RIMBP2: variants seen among roughly 807,000 people sequenced by gnomAD.
The protein encoded by RIMBP2 is RIMS-binding protein 2.
Under a neutral mutation model 118.6 loss-of-function variants are expected in RIMBP2, and 48 were observed. The ratio of observed to expected loss-of-function variants is 0.40; its 90% CI spans 0.32 to 0.51. The LOEUF (loss-of-function observed/expected upper bound fraction) is 0.51. Among genes scored for constraint, RIMBP2 ranks in the 20% least tolerant of loss-of-function variants. The pLI is 0.41. For missense variants in RIMBP2, 1,551 were observed against 1,768.3 expected (o/e 0.88, Z 2.20); for synonymous variants, 762 against 742.9 (o/e 1.03, Z -0.42).
At chr12:130,479,916 CCT>C (rs1286944519) in intron 4 of RIMBP2, among the ~76,000 whole-genome samples, 2 of 151,820 alleles carry the variant, frequency 1.3e-5, no homozygotes. Context: ...CCTTCCCTCC[CCT>C]CTGACGGGTC....
chr12:130,705,479 G>C (rs1004657113), intron 1 of RIMBP2, among the ~76,000 whole-genome samples: 19 of 152,224 alleles, frequency 1.2e-4, no homozygotes, highest in Non-Finnish European at 2.4e-4. Flanking sequence ...CCTCCTGGGG[G>C]AGAGGCTGGC....
At chr12:130,668,783 G>A (rs1313954890) in intron 1 of RIMBP2, among the ~76,000 whole-genome samples, 1 of 152,152 alleles carries the variant, frequency 6.6e-6, no homozygotes, top group African/African-American at 2.4e-5. Context: ...CACAAGCTGT[G>A]CCATGCCATG....
At chr12:130,675,440 C>T (rs1399010253) in intron 1 of RIMBP2, among the ~76,000 whole-genome samples, 1 of 152,180 alleles carries the variant, frequency 6.6e-6, no homozygotes, top group East Asian at 1.9e-4. Flanking sequence ...TGCACAGAGG[C>T]AAAATCTGTC....
chr12:130,424,438 G>A lies in RIMBP2; in HGVS notation c.2833C>T (p.Pro945Ser), dbSNP rs1190187428. 4.7e-5 allele frequency: 58 copies of A among 1,232,408 alleles called. No homozygotes were observed. The highest frequency in any genetic ancestry group is 3.2e-5 in the East Asian group (1 of 31,706). The allele number at this position is 1,232,408 out of a possible 1,614,324, so 76.3% of individuals were successfully genotyped here. A position where few individuals can be genotyped will look rare whatever the true frequency, so the allele number is the denominator to read the frequency against. ...CCCCTCCTGCAGGGACAGTGACCAG[G>A]GCCTGGGCTGCACGCGGCCACGGTG... Reference protein sequence around the residue: ...GNTVAACSPGPGHCPCRRGPR... With the variant: ...GNTVAACSPGSGHCPCRRGPR... Residue 945 changes from proline to serine, a missense_variant, in exon 16 of 23, where the codon CCT becomes TCT. By Grantham distance (74) the Pro-to-Ser change is moderately conservative. Around this residue, in one of 5 missense-constraint regions of RIMBP2, gnomAD observed 1,038 missense variants for 1,125.1 expected, o/e 0.92. Transcript: ENST00000690449. This position sits in a 1 kb window ranked among gnomAD's most constrained non-coding sequence, Gnocchi z 9.8.
At position 130,474,413 on chromosome 12, in the gene RIMBP2, G is replaced by A. The variant is rs113792981; in HGVS notation, c.103-3670C>T. Among the ~76,000 whole-genome samples the A allele has an allele frequency of 3.6e-3, 550 of 152,314 alleles. 2 individuals are homozygous for A. The highest frequency in any genetic ancestry group is 6.1e-3 in the Non-Finnish European group (412 of 68,026). ...TCCTTCTGTGCCCTTGAGCACCTCCGCCCATCCAGGATTTGCTGGGGAGCT... is the reference window on the plus strand; with the variant it reads ...TCCTTCTGTGCCCTTGAGCACCTCCACCCATCCAGGATTTGCTGGGGAGCT... On this transcript the variant is annotated intron_variant, in intron 5 of 22. Coordinates refer to ENST00000690449, the MANE Select transcript of RIMBP2 (RefSeq NM_001393629.1).
At position 130,604,582 on chromosome 12, in the gene RIMBP2, C is replaced by CTGTTTTTTTTTT. The variant is rs1555305685; in HGVS notation, c.-217+23739_-217+23740insAAAAAAAAAACA. On this transcript the variant is annotated intron_variant, in intron 2 of 22. Coordinates refer to ENST00000690449, the MANE Select transcript of RIMBP2 (RefSeq NM_001393629.1). ...AGTGCCCTATACAGATGCCCCTTTT[C>CTGTTTTTTTTTT]TTTCTTTTTTTTTTTTTTTGAGACA... 4.5e-5 allele frequency among the ~76,000 whole-genome samples: 3 copies of CTGTTTTTTTTTT among 67,268 alleles called. 1 individual carries two copies. The highest frequency in any genetic ancestry group is 2.1e-4 in the Admixed American group (1 of 4,710). 44.1% of individuals were successfully genotyped at this position (67,268 alleles called of 152,430 possible).
intron 1 of RIMBP2, among the ~76,000 whole-genome samples, chr12:130,695,477 C>T (rs770805941): frequency 6.6e-6 from 1 of 152,056 alleles, no homozygotes; most frequent in Non-Finnish European, 1.5e-5. Context: ...CATGCCGGCT[C>T]CCACCTGCAA....
At chr12:130,505,122 T>C (rs932816936) in intron 4 of RIMBP2, among the ~76,000 whole-genome samples, 4 of 152,126 alleles carry the variant, frequency 2.6e-5, no homozygotes, top group African/African-American at 7.2e-5. Context: ...GCTTAAAGAA[T>C]TATGTGGTAG....
chr12:130,442,767 G>C lies in RIMBP2; in HGVS notation c.692-107C>G. 1.1e-6 allele frequency: 1 copy of C among 934,122 alleles called. No homozygotes were observed. Among genetic ancestry groups the C allele is most frequent in the South Asian group, 1.7e-5 (1 of 58,580 alleles). The allele number at this position is 934,122 out of a possible 1,614,324, so 57.9% of individuals were successfully genotyped here. ...CCAGGACCATAAGGCAGAGCAACAG[G>C]GTTGCCCTGGGGCTCCTCCGCTGTT... On this transcript the variant is annotated intron_variant, in intron 10 of 22. Coordinates refer to ENST00000690449, the MANE Select transcript of RIMBP2 (RefSeq NM_001393629.1). The surrounding 1 kb of genome is among the most constrained non-coding windows in gnomAD (Gnocchi z 6.9).
intron 1 of RIMBP2, chr12:130,668,297 C>T (rs2064041067): frequency 6.6e-6 from 1 of 152,260 alleles, no homozygotes; most frequent in Non-Finnish European, 1.5e-5. Context: ...AGGAACTACT[C>T]AGCCCCACAA....
intron 11 of RIMBP2, among the ~76,000 whole-genome samples, chr12:130,441,387 C>A (rs1045538402): frequency 1.7e-4 from 23 of 139,378 alleles, no homozygotes; most frequent in Non-Finnish European, 4.7e-5. Context: ...GGTGACAGAG[C>A]GAGACTCCAT....
At chr12:130,636,300 G>A (rs576116561) in intron 1 of RIMBP2, among the ~76,000 whole-genome samples, 4 of 152,180 alleles carry the variant, frequency 2.6e-5, no homozygotes, top group South Asian at 4.2e-4. Flanking sequence ...TGGCACTCTT[G>A]AGCACCACAC....
intron 1 of RIMBP2, among the ~76,000 whole-genome samples, chr12:130,632,071 C>A (rs2062025012): frequency 6.6e-6 from 1 of 152,234 alleles, no homozygotes; most frequent in African/African-American, 2.4e-5. Flanking sequence ...CTCCTAAAAT[C>A]AACTGATGTA....
chr12:130,432,695 G>C (rs1412008388), intron 14 of RIMBP2, among the ~76,000 whole-genome samples: 3 of 152,182 alleles, frequency 2.0e-5, no homozygotes, highest in African/African-American at 7.2e-5. Flanking sequence ...TGCAGGCCTC[G>C]GGGAGGCCTC....
chr12:130,550,944 C>T (rs974422829), intron 2 of RIMBP2, among the ~76,000 whole-genome samples: 2 of 152,190 alleles, frequency 1.3e-5, no homozygotes, highest in African/African-American at 4.8e-5. Flanking sequence ...GGGTGCCGCA[C>T]ATTAACTGGA....
rs1188981667 is a variant in RIMBP2, at chr12:130,670,293, A to G, written c.-351-41837T>C. ...TCCAGAACTGAAGTTTTAGGACTCT[A>G]TATTTATGGTGATTTCTTACTGATG... is the stretch of plus-strand genomic sequence containing the variant. On this transcript the variant is annotated intron_variant, in intron 1 of 22. Transcript: ENST00000690449. The surrounding 1 kb of genome is among the most constrained non-coding windows in gnomAD (Gnocchi z 4.9). Among the ~76,000 whole-genome samples, 1 of 152,042 alleles carries G rather than the reference A, an allele frequency of 6.6e-6. No homozygotes were observed. The highest frequency in any genetic ancestry group is 1.5e-5 in the Non-Finnish European group (1 of 67,990).
rs1031423131 is a variant in RIMBP2 at position 130,523,567 on chromosome 12, T to C, written c.-216-5650A>G. Among the ~76,000 whole-genome samples the C allele has an allele frequency of 1.3e-5, 2 of 152,128 alleles. No homozygotes were observed. The highest frequency in any genetic ancestry group is 2.4e-5 in the African/African-American group (1 of 41,516). ...TTCCCCATCAGGAGCTCCAGTTAAA[T>C]CCCCATTTCAATGGACAAGGTGGCC... On this transcript the variant is annotated intron_variant, in intron 2 of 22. Transcript: ENST00000690449. This position sits in a 1 kb window ranked among gnomAD's most constrained non-coding sequence, Gnocchi z 4.4.
chr12:130,557,333 G>A (rs1245801626), intron 2 of RIMBP2, among the ~76,000 whole-genome samples: 3 of 152,084 alleles, frequency 2.0e-5, no homozygotes, highest in Non-Finnish European at 4.4e-5. Flanking sequence ...CAACTGTCAC[G>A]CCACACGTTT....
Position 130,497,011 on chromosome 12 carries a change from G to A in RIMBP2, c.-4+9637C>T, listed in dbSNP as rs531369823. 3.3e-5 allele frequency among the ~76,000 whole-genome samples: 5 copies of A among 152,226 alleles called. No homozygotes were observed. In the South Asian group the frequency reaches 1.0e-3, roughly 32 times the overall value. Reference sequence around the variant, plus strand: ...GCCATGTACCCTCCGAAAGCTCCAGGGCAGGCTCTTCCCCATCTTGCCAGG... The same window carrying A: ...GCCATGTACCCTCCGAAAGCTCCAGAGCAGGCTCTTCCCCATCTTGCCAGG... On this transcript the variant is annotated intron_variant, in intron 4 of 22. Coordinates refer to ENST00000690449, the MANE Select transcript of RIMBP2 (RefSeq NM_001393629.1).
Sources: gnomAD v4.1 joint callset for allele counts (sites outside exome capture counted in the v4.1 genomes callset) on GRCh38, gnomAD v4.1.1 for gene constraint, gnomAD v4.1.1 regional missense constraint, Gnocchi (gnomAD v3.1) non-coding constraint, MANE v1.5 for transcripts, NCBI Gene and HGNC (gene_info 2026-07-23, HGNC 2026-07-21) for gene names.